Variants in FAIM2 observed in about 807,000 individuals in gnomAD.
FAIM2 encodes the protein protein lifeguard 2.
Under a neutral mutation model 47.4 loss-of-function variants are expected in FAIM2, and 27 were observed. The ratio of observed to expected loss-of-function variants is 0.57; its 90% CI spans 0.42 to 0.78. The LOEUF (loss-of-function observed/expected upper bound fraction) is 0.78, where lower values mean the gene tolerates loss of function less well. FAIM2 is among the 30% of genes least tolerant of loss of function. The probability of loss-of-function intolerance (pLI) is 0.00; values close to 1 mark genes in which losing one functional copy is unlikely to be tolerated. For synonymous variants in FAIM2, 156 were observed against 159.3 expected (o/e 0.98, Z 0.16); for missense variants, 311 against 389.4 (o/e 0.80, Z 1.69).
intron 2 of FAIM2, among the ~76,000 whole-genome samples, chr12:49,898,942 G>A (rs1276351579): frequency 2.0e-5 from 3 of 152,046 alleles, no homozygotes; most frequent in African/African-American, 7.3e-5. Flanking sequence ...GGGCTGGAGG[G>A]GAAATAAAGC....
At position 49,889,580 on chromosome 12, in the gene FAIM2, C is replaced by T; in HGVS notation, c.564-12G>A. 1 of 1,612,890 alleles carries T rather than the reference C, an allele frequency of 6.2e-7. No homozygotes were observed. Among genetic ancestry groups the T allele is most frequent in the Non-Finnish European group, 8.5e-7 (1 of 1,178,922 alleles). ...TGGTGTTGTAGTAGCTGAGGACCGT[C>T]AGGCCGAGGGGTCAGCTCTCAGGCA... On this transcript the variant is annotated splice_polypyrimidine_tract_variant and intron_variant, in intron 8 of 11. Transcript: ENST00000320634.
chr12:49,887,474 A>C (rs1417992018), intron 10 of FAIM2, 35 bp from the exon 11 acceptor site: 1 of 1,589,088 alleles, frequency 6.3e-7, no homozygotes, highest in Non-Finnish European at 8.6e-7. Context: ...AGGGACGACA[A>C]GAAGGGGCAG....
intron 11 of FAIM2, among the ~76,000 whole-genome samples, chr12:49,872,308 G>A (rs374407248): frequency 7.9e-5 from 12 of 152,334 alleles, no homozygotes; most frequent in African/African-American, 2.6e-4. Flanking sequence ...GGCTTAAGTA[G>A]GAGTTTGCTA....
At chr12:49,894,480 G>C (rs1182733385) in intron 5 of FAIM2, among the ~76,000 whole-genome samples, 3 of 152,186 alleles carry the variant, frequency 2.0e-5, no homozygotes, top group Non-Finnish European at 4.4e-5. Context: ...TGTGGGTGGG[G>C]GAGGGGGAGG....
rs200581902 is a variant in FAIM2, at chr12:49,877,826, CTA to C, written c.802-7175_802-7174del. ...TGAGTGTGCGTATGTGTATGTGTGT[CTA>C]TGTGCGTATATGTGTGTAGGTGTGT... On this transcript the variant is annotated intron_variant, in intron 11 of 11. Transcript: ENST00000320634. 5.1e-3 allele frequency among the ~76,000 whole-genome samples: 764 copies of C among 148,984 alleles called. 6 individuals are homozygous for C. The highest frequency in any genetic ancestry group is 0.018 in the African/African-American group (708 of 40,440).
chr12:49,894,741 G>C (rs1201735648), intron 5 of FAIM2, among the ~76,000 whole-genome samples: 10 of 152,168 alleles, frequency 6.6e-5, no homozygotes. Context: ...TTCACCATCA[G>C]AAAGACCTGG....
intron 1 of FAIM2, 49 bp from the exon 2 acceptor site, chr12:49,901,374 T>C (rs1946981423): frequency 6.5e-6 from 9 of 1,385,522 alleles, no homozygotes; most frequent in African/African-American, 1.5e-5. Context: ...AAAGGGAGCC[T>C]TCCAACTCCT....
chr12:49,878,631 T>C (rs928463749), intron 11 of FAIM2, among the ~76,000 whole-genome samples: 5 of 135,802 alleles, frequency 3.7e-5, no homozygotes, highest in African/African-American at 1.4e-4. Context: ...TATGTGTATG[T>C]ATGTGCCCTT....
intron 5 of FAIM2, among the ~76,000 whole-genome samples, chr12:49,895,017 G>T (rs1165015606): frequency 1.3e-5 from 2 of 152,040 alleles, no homozygotes. Context: ...CAGACACGAG[G>T]CCAACTTAGG....
chr12:49,889,612 C>T (rs1171575937), intron 8 of FAIM2, 44 bp from the exon 9 acceptor site: 2 of 1,521,156 alleles, frequency 1.3e-6, no homozygotes, highest in Non-Finnish European at 1.8e-6. Context: ...GGCAGGGCAT[C>T]TGGTCTCCCC....
At chr12:49,896,978 T>TTCTGGCCACTAAGCCTTC (rs1408143515) in intron 5 of FAIM2, 53 bp downstream of exon 5, 1 of 1,410,640 alleles carries the variant, frequency 7.1e-7, no homozygotes, top group Non-Finnish European at 1.0e-6. Context: ...AGATTCCCTC[T>TTCTGGCCACTAAGCCTTC]TCTGGCCACT....
chr12:49,877,870 GTATACA>G (rs1592784685), intron 11 of FAIM2, among the ~76,000 whole-genome samples: 1 of 151,666 alleles, frequency 6.6e-6, no homozygotes, highest in East Asian at 1.9e-4. Flanking sequence ...GTGTGTGAGT[GTATACA>G]TATATGTGTA....
At chr12:49,889,227 T>G in intron 9 of FAIM2, 25 bp from the exon 10 acceptor site, 1 of 1,579,822 alleles carries the variant, frequency 6.3e-7, no homozygotes, top group Non-Finnish European at 8.6e-7. Flanking sequence ...TGGGGTTAGC[T>G]GCAGGAGCGG....
At position 49,874,257 on chromosome 12, in the gene FAIM2, A is replaced by G. The variant is rs2084797267; in HGVS notation, c.802-3604T>C. Among the ~76,000 whole-genome samples, 1 of 152,204 alleles carries G rather than the reference A, an allele frequency of 6.6e-6. No individual in the cohort carries two copies. Among genetic ancestry groups the G allele is most frequent in the Non-Finnish European group, 1.5e-5 (1 of 68,038 alleles). On this transcript the variant is annotated intron_variant, in intron 11 of 11. Coordinates refer to ENST00000320634, the MANE Select transcript of FAIM2 (RefSeq NM_012306.4). This position sits in a 1 kb window ranked among gnomAD's most constrained non-coding sequence, Gnocchi z 4.2. ...AAGGACGCTATTAACTTACATCTGA[A>G]GAGTCCTTCCCCAGACCAACACTTG...
Position 49,870,362 on chromosome 12 carries a change from G to T in FAIM2, c.*142C>A. ...GCGTATGTACAAGCGGCAGAGGGCT[G>T]GGCTGGGCTGGGGTAGACAGTGACC... On this transcript the variant is annotated 3_prime_UTR_variant, in exon 12 of 12. Coordinates refer to ENST00000320634, the MANE Select transcript of FAIM2 (RefSeq NM_012306.4). The T allele has an allele frequency of 1.3e-6, 1 of 744,930 alleles. No individual in the cohort carries two copies. 46.1% of individuals were successfully genotyped at this position (744,930 alleles called of 1,614,324 possible).
chr12:49,880,012 G>T (rs1450924479), intron 11 of FAIM2, among the ~76,000 whole-genome samples: 1 of 147,916 alleles, frequency 6.8e-6, no homozygotes. Context: ...ATATGCGTGT[G>T]TATGTGTCTG....
In FAIM2 at chr12:49,897,574, T is replaced by C. The variant is rs200620529; in HGVS notation, c.325A>G (p.Ile109Val). 7.1e-4 allele frequency: 1,150 copies of C among 1,613,908 alleles called. 12 individuals carry two copies. In the South Asian group the frequency reaches 0.01, roughly 14 times the overall value. ...GTCACCAGCAGCTGAATCAGCAGGA[T>C]GGTGTAGACCTGGGGGTGGGAGGGG... ...RRVFVRKVYT[I>V]LLIQLLVTLA... Residue 109 changes from isoleucine (I) to valine (V), a missense_variant, in exon 4 of 12, where the codon ATC becomes GTC. By Grantham distance (29) the Ile-to-Val change is conservative. Transcript: ENST00000320634.
Position 49,901,308 on chromosome 12 carries a change from C to CT in FAIM2, c.32dup (p.Ala12GlyfsTer28). On this transcript the variant is annotated frameshift_variant, in exon 2 of 12. Transcript: ENST00000320634. LOFTEE classifies it high-confidence loss of function. The stretch of plus-strand genomic sequence containing the variant: ...GCTGCTGCCCCTCGGTCCCAGGGGC[C>CT]TTGTTAGCCACGGAGAGCTATGGAG... 6.3e-7 allele frequency: 1 copy of CT among 1,591,220 alleles called. No homozygotes were observed. The highest frequency in any genetic ancestry group is 8.5e-7 in the Non-Finnish European group (1 of 1,171,500).
Position 49,903,817 on chromosome 12 carries a change from C to G in FAIM2, c.-25G>C. 6.5e-7 allele frequency: 1 copy of G among 1,534,610 alleles called. No homozygotes were observed. The highest frequency in any genetic ancestry group is 8.8e-7 in the Non-Finnish European group (1 of 1,139,052). On this transcript the variant is annotated 5_prime_UTR_variant, in exon 1 of 12. Transcript: ENST00000320634. The stretch of plus-strand genomic sequence containing the variant: ...TGGTGCCGTCTCTCGGGGAAGGGGT[C>G]CCTGAGGCCCGGGTGGCCGCTTGGG...
Sources: gnomAD v4.1 joint callset for allele counts (sites outside exome capture counted in the v4.1 genomes callset) on GRCh38, gnomAD v4.1.1 for gene constraint, Gnocchi (gnomAD v3.1) non-coding constraint, MANE v1.5 for transcripts, NCBI Gene and HGNC (gene_info 2026-07-23, HGNC 2026-07-21) for gene names.